Variants in COL28A1 observed in about 807,000 individuals in gnomAD.
COL28A1 encodes the protein collagen type XXVIII alpha 1 chain, also known as collagen alpha-1(XXVIII) chain.
COL28A1 carries 161 observed loss-of-function variants against 150.2 expected under a neutral mutation model. That is an observed-to-expected ratio of 1.07 (90% CI 0.94 to 1.22). COL28A1 has a LOEUF of 1.22. COL28A1 is among the 50% of genes most tolerant of loss of function. COL28A1 has a pLI of 0.00. For missense variants in COL28A1, 1,617 were observed against 1,388.3 expected, an observed-to-expected ratio of 1.16 and a Z score of -2.62; for synonymous variants, 552 against 469.7, an observed-to-expected ratio of 1.18 and a Z score of -2.26.
intron 15 of COL28A1, among the ~76,000 whole-genome samples, chr7:7,463,853 T>C (rs1048530052): frequency 6.6e-6 from 1 of 152,294 alleles, no homozygotes; most frequent in East Asian, 1.9e-4. Context: ...ATGGTTCACT[T>C]AAAATACATA....
chr7:7,465,496 A>C (rs1426852686), intron 15 of COL28A1, among the ~76,000 whole-genome samples: 2 of 138,882 alleles, frequency 1.4e-5, no homozygotes, highest in Admixed American at 7.3e-5. Context: ...GCAGTCTGAG[A>C]TCAAACTGCA....
In COL28A1 at chr7:7,531,443, C is replaced by T. The variant is rs746571443; in HGVS notation, c.586G>A (p.Glu196Lys). The T allele has an allele frequency of 5.6e-6, 9 of 1,601,068 alleles. No individual in the cohort carries two copies. Among genetic ancestry groups the T allele is most frequent in the Middle Eastern group, 3.3e-4 (2 of 6,022 alleles). ...CCAGAAATCAAACGAAGTTTGGCTTCATTGACTACCGTAGAAAGTGCAATG... is the reference window on the plus strand; with the variant it reads ...CCAGAAATCAAACGAAGTTTGGCTTTATTGACTACCGTAGAAAGTGCAATG... Reference protein sequence around the residue: ...ITIALSTVVNEAKLRLISGDS... With the variant: ...ITIALSTVVNKAKLRLISGDS... Residue 196 changes from glutamate to lysine, a missense_variant, in exon 3 of 35, where the codon GAA (glutamate) becomes AAA (lysine). Physicochemically the swap from Glu to Lys is moderately conservative, Grantham distance 56 (BLOSUM62 1). Coordinates refer to ENST00000399429, the MANE Select transcript of COL28A1 (RefSeq NM_001037763.3).
chr7:7,476,331 T>C (rs1562776224), intron 14 of COL28A1, among the ~76,000 whole-genome samples: 1 of 152,184 alleles, frequency 6.6e-6, no homozygotes, highest in Non-Finnish European at 1.5e-5. Flanking sequence ...CTTCAGCAAA[T>C]GTGCCAAAGA....
chr7:7,477,950 C>A (rs892570744), intron 13 of COL28A1, among the ~76,000 whole-genome samples: 6 of 152,180 alleles, frequency 3.9e-5, no homozygotes, highest in Admixed American at 3.3e-4. Context: ...AATCCCTGAG[C>A]TAGACACCAA....
At chr7:7,527,582 G>C (rs1244727621) in intron 3 of COL28A1, among the ~76,000 whole-genome samples, 2 of 152,180 alleles carry the variant, frequency 1.3e-5, no homozygotes, top group Non-Finnish European at 2.9e-5. Context: ...GAAGCAGGCT[G>C]CAAGGAGAAC....
chr7:7,515,365 G>A (rs897337688), intron 8 of COL28A1, among the ~76,000 whole-genome samples: 1 of 152,170 alleles, frequency 6.6e-6, no homozygotes, highest in Admixed American at 6.5e-5. Context: ...CCAATTGGCT[G>A]ACTCAGTGAA....
intron 31 of COL28A1, among the ~76,000 whole-genome samples, chr7:7,374,017 T>C (rs1781394545): frequency 1.1e-5 from 1 of 89,806 alleles, no homozygotes. Context: ...TTTCTATACT[T>C]GACTCTTAAA....
intron 15 of COL28A1, among the ~76,000 whole-genome samples, chr7:7,458,143 G>A (rs1031760525): frequency 1.4e-4 from 22 of 152,154 alleles, no homozygotes; most frequent in African/African-American, 5.1e-4. Context: ...TTTGCTGGGC[G>A]CCGTGGCTCA....
chr7:7,376,969 C>T (rs1339722935), intron 30 of COL28A1, among the ~76,000 whole-genome samples: 1 of 152,116 alleles, frequency 6.6e-6, no homozygotes, highest in African/African-American at 2.4e-5. Context: ...ATTATTATAT[C>T]ATCACTGTCA....
intron 15 of COL28A1, among the ~76,000 whole-genome samples, chr7:7,473,983 G>A (rs1036239617): frequency 2.0e-5 from 3 of 147,320 alleles, no homozygotes; most frequent in Non-Finnish European, 3.0e-5. Flanking sequence ...TGTATATAGT[G>A]TATATATAGT....
At chr7:7,349,879 A>G in the COL28A1 span, among the ~76,000 whole-genome samples, 1 of 152,180 alleles carries the variant, frequency 6.6e-6, no homozygotes, top group Non-Finnish European at 1.5e-5. Context: ...GGGAGTGAAG[A>G]AGGGAAAATT....
intron 18 of COL28A1, among the ~76,000 whole-genome samples, chr7:7,451,198 A>G (rs984032271): frequency 8.6e-5 from 13 of 151,846 alleles, no homozygotes; most frequent in African/African-American, 3.1e-4. Context: ...TCTTTGTATT[A>G]TTCTCTGTAT....
At chr7:7,407,612 G>GA (rs577471253) in intron 27 of COL28A1, among the ~76,000 whole-genome samples, 1 of 151,576 alleles carries the variant, frequency 6.6e-6, no homozygotes, top group African/African-American at 2.4e-5. Flanking sequence ...TATTAAGGAG[G>GA]AAAAAAAGAT....
chr7:7,419,085 T>C (rs1784259788), intron 26 of COL28A1, among the ~76,000 whole-genome samples: 1 of 152,224 alleles, frequency 6.6e-6, no homozygotes, highest in African/African-American at 2.4e-5. Context: ...CATTGACATC[T>C]ATTTTCCCTA....
At chr7:7,388,848 G>T (rs1432594538) in intron 27 of COL28A1, among the ~76,000 whole-genome samples, 1 of 151,984 alleles carries the variant, frequency 6.6e-6, no homozygotes, top group African/African-American at 2.4e-5. Context: ...TTTTGATGGG[G>T]TTGTTTTTTT....
rs148887172 is a variant in COL28A1 at position 7,378,469 on chromosome 7, CTT to C, written c.2322+2189_2322+2190del. Among the ~76,000 whole-genome samples the C allele has an allele frequency of 6.5e-3, 987 of 152,224 alleles. 26 individuals are homozygous for C. Among genetic ancestry groups the C allele is most frequent in the Admixed American group, 0.048 (732 of 15,288 alleles). ...GAAGTGACATGTGGAGAAACAGAGTCTTTTCAAATAATTTTATGAGATGTATT... is the reference window on the plus strand; with the variant it reads ...GAAGTGACATGTGGAGAAACAGAGTCTTCAAATAATTTTATGAGATGTATT... On this transcript the variant is annotated intron_variant, in intron 30 of 34. Coordinates refer to ENST00000399429, the MANE Select transcript of COL28A1 (RefSeq NM_001037763.3).
In COL28A1 at chr7:7,520,059, T is replaced by C; in HGVS notation, c.813+3A>G. The C allele has an allele frequency of 1.5e-6, 2 of 1,314,998 alleles. No individual in the cohort carries two copies. Among genetic ancestry groups the C allele is most frequent in the African/African-American group, 1.4e-5 (1 of 69,418 alleles). 81.5% of individuals were successfully genotyped at this position (1,314,998 alleles called of 1,614,324 possible). ...TTTAAAGAAAAGCTGTTTATTCATT[T>C]ACCGGGTTTCCTTTTGGTCCTCGCT... On this transcript the variant is annotated splice_donor_region_variant and intron_variant, in intron 6 of 34. Transcript: ENST00000399429.
chr7:7,432,368 G>C, intron 25 of COL28A1, 105 bp downstream of exon 25: 1 of 790,322 alleles, frequency 1.3e-6, no homozygotes, highest in East Asian at 2.6e-5. Flanking sequence ...AATTATTTCA[G>C]ACACCTCTAC....
At chr7:7,408,733 G>C (rs1211997941) in intron 27 of COL28A1, among the ~76,000 whole-genome samples, 1 of 151,832 alleles carries the variant, frequency 6.6e-6, no homozygotes, top group Admixed American at 6.6e-5. Flanking sequence ...CTGTACTTAG[G>C]GAAAAAGAAT....
Sources: allele counts gnomAD v4.1 joint callset (sites outside exome capture counted in the v4.1 genomes callset), GRCh38; gene constraint gnomAD v4.1.1; transcripts MANE v1.5; gene names NCBI Gene and HGNC (gene_info 2026-07-23, HGNC 2026-07-21).